MTMR1: variants seen among roughly 807,000 people sequenced by gnomAD.
The protein encoded by MTMR1 is myotubularin related protein 1.
Under a neutral mutation model 51.6 loss-of-function variants are expected in MTMR1, and 17 were observed. The ratio of observed to expected loss-of-function variants is 0.33; its 90% CI spans 0.23 to 0.49. MTMR1 has a LOEUF of 0.49. Ranked by LOEUF, MTMR1 falls within the 20% of genes least tolerant of loss-of-function variation. The pLI is 0.99. For missense variants in MTMR1, 386 were observed against 526.9 expected (o/e 0.73, Z 2.62); for synonymous variants, 201 against 205.6 (o/e 0.98, Z 0.19).
intron 12 of MTMR1, among the ~76,000 whole-genome samples, chrX:150,743,535 T>C (rs1173932793): frequency 8.9e-6 from 1 of 112,927 alleles, no homozygotes; most frequent in Non-Finnish European, 1.9e-5. Context: ...TTGTCATTTA[T>C]TTGTTTTCAT....
rs781973950 is a variant in MTMR1 at position 150,696,053 on chromosome X, G to A, written c.146+2377G>A. Among the ~76,000 whole-genome samples, 4 of 111,564 alleles carry A rather than the reference G, an allele frequency of 3.6e-5. No homozygotes were observed. In the South Asian group the frequency reaches 1.1e-3, roughly 32 times the overall value. ...AGCAGAGTAGGTTGCGGGGCTGAGC[G>A]GCTGATGCTGGTTTAGACAGGTTGA... On this transcript the variant is annotated intron_variant, in intron 1 of 15. Transcript: ENST00000445323.
At chrX:150,733,139 T>C (rs1250581114) in intron 10 of MTMR1, among the ~76,000 whole-genome samples, 5 of 112,179 alleles carry the variant, frequency 4.5e-5, no homozygotes, top group Non-Finnish European at 9.4e-5. Flanking sequence ...ATGTACAAAG[T>C]TTCCATAAAT....
chrX:150,761,554 G>A (rs1427646314), intron 15 of MTMR1, among the ~76,000 whole-genome samples: 1 of 112,918 alleles, frequency 8.9e-6, no homozygotes, highest in Non-Finnish European at 1.9e-5. Context: ...CAGGGCAGGG[G>A]GAAGAAGTCC....
intron 15 of MTMR1, among the ~76,000 whole-genome samples, chrX:150,756,777 A>G (rs1486032633): frequency 2.7e-5 from 3 of 111,823 alleles, no homozygotes; most frequent in African/African-American, 6.5e-5. Context: ...TGGCCTCCCA[A>G]GTAGCTGGGA....
Position 150,755,799 on chromosome X carries a change from T to C in MTMR1, c.1791T>C (p.Ala597=). The change falls in exon 15 of 16, where the codon GCT becomes GCC. Residue 597 remains alanine (A), a synonymous_variant. Coordinates refer to ENST00000445323, the MANE Select transcript of MTMR1 (RefSeq NM_001306144.3). ...NYENHVLYPV[A]SLSHLELWVN... The stretch of plus-strand genomic sequence containing the variant: ...AAAACCACGTGTTATATCCTGTTGC[T>C]AGTCTGAGTCATTTGGAATTGTGGG... 2 of 1,207,117 alleles carry C rather than the reference T, an allele frequency of 1.7e-6. No individual in the cohort carries two copies. The highest frequency in any genetic ancestry group is 2.2e-6 in the Non-Finnish European group (2 of 892,905).
intron 4 of MTMR1, 89 bp downstream of exon 4, chrX:150,718,789 A>G (rs2041647738): frequency 2.2e-6 from 2 of 926,400 alleles, no homozygotes; most frequent in Non-Finnish European, 3.0e-6. Context: ...TGTGCTGGAG[A>G]TCCGCCAGAC....
At chrX:150,734,945 A>T (rs934200602) in intron 10 of MTMR1, among the ~76,000 whole-genome samples, 2 of 112,425 alleles carry the variant, frequency 1.8e-5, no homozygotes, top group African/African-American at 6.5e-5. Context: ...TTGCAGATGT[A>T]TTAATTATGA....
intron 1 of MTMR1, among the ~76,000 whole-genome samples, chrX:150,698,798 C>T (rs782500741): frequency 5.6e-5 from 6 of 108,055 alleles, no homozygotes; most frequent in African/African-American, 1.0e-4. Flanking sequence ...ATCACTTGAA[C>T]CTGGGAGGTT....
chrX:150,730,476 G>A (rs1557416948), intron 7 of MTMR1, 49 bp from the exon 8 acceptor site: 2 of 847,626 alleles, frequency 2.4e-6, no homozygotes, highest in Non-Finnish European at 3.4e-6. Flanking sequence ...TTGGGTATAT[G>A]ATATAAAAAG....
Position 150,732,297 on chromosome X carries a change from A to G in MTMR1, c.892-245A>G, listed in dbSNP as rs781859877. Among the ~76,000 whole-genome samples the G allele has an allele frequency of 2.7e-5, 3 of 111,909 alleles. No homozygotes were observed. The South Asian group carries it at 1.1e-3, about 42-fold the overall frequency. ...GTTTGATTTAGGATTTGTTTTTCTT[A>G]GAATCATAGAATATTGGGGATGGAA... On this transcript the variant is annotated intron_variant, in intron 9 of 15. Transcript: ENST00000445323.
In MTMR1 at chrX:150,758,371, C is replaced by T. The variant is rs781887131; in HGVS notation, c.1857+2506C>T. ...CCTTCCTCCAGAGAGGCCTTTTGCT[C>T]CTGCCTAACAGCCCAGACATCACCT... On this transcript the variant is annotated intron_variant, in intron 15 of 15. Transcript: ENST00000445323. Among the ~76,000 whole-genome samples, 40 of 112,172 alleles carry T rather than the reference C, an allele frequency of 3.6e-4. No homozygotes were observed. The Admixed American group carries it at 3.7e-3, about 10-fold the overall frequency.
rs1295737435 is a variant in MTMR1, at chrX:150,762,502, CA to C, written c.1858-62del. 4.0e-5 allele frequency: 48 copies of C among 1,185,917 alleles called. No homozygotes were observed. The African/African-American group carries it at 5.3e-4, about 13-fold the overall frequency. On this transcript the variant is annotated intron_variant, in intron 15 of 15. Coordinates refer to ENST00000445323, the MANE Select transcript of MTMR1 (RefSeq NM_001306144.3). ...AAGCTCCTGAAGCCAACAGCATCTC[CA>C]TGTGGAAACGCTGTGGTAGGAGGAT... is the stretch of plus-strand genomic sequence containing the variant.
At chrX:150,757,109 G>T (rs183196591) in intron 15 of MTMR1, among the ~76,000 whole-genome samples, 16 of 112,159 alleles carry the variant, frequency 1.4e-4, no homozygotes, top group African/African-American at 5.2e-4. Context: ...CTCACCTAGG[G>T]TCTTCATGAT....
At position 150,718,605 on chromosome X, in the gene MTMR1, T is replaced by TGCCAGGCTC; in HGVS notation, c.277-20_277-19insGCCAGGCTC. The TGCCAGGCTC allele has an allele frequency of 3.0e-6, 3 of 991,083 alleles. No homozygotes were observed. The highest frequency in any genetic ancestry group is 3.8e-6 in the Non-Finnish European group (3 of 787,570). 81.7% of individuals were successfully genotyped at this position (991,083 alleles called of 1,213,427 possible). On this transcript the variant is annotated intron_variant, in intron 3 of 15. Transcript: ENST00000445323. Reference sequence around the variant, plus strand: ...TGTCCTTTTTTTTTTTTTTTTTTTTTTTTTTTTTTTTTTTGCCAGGCTCTA... The same window carrying TGCCAGGCTC: ...TGTCCTTTTTTTTTTTTTTTTTTTTTGCCAGGCTCTTTTTTTTTTTTTTGCCAGGCTCTA...
chrX:150,759,970 C>T (rs1421871083), intron 15 of MTMR1, among the ~76,000 whole-genome samples: 4 of 109,534 alleles, frequency 3.7e-5, no homozygotes, highest in Non-Finnish European at 5.8e-5. Context: ...AGTGACTCAC[C>T]GCCTGATCTG....
chrX:150,701,427 A>G (rs782377268), intron 2 of MTMR1, among the ~76,000 whole-genome samples: 7 of 112,297 alleles, frequency 6.2e-5, no homozygotes, highest in Non-Finnish European at 1.3e-4. Context: ...TCTGTTGTGT[A>G]AATGTCTTAT....
intron 2 of MTMR1, among the ~76,000 whole-genome samples, chrX:150,705,383 A>G (rs935967901): frequency 8.9e-6 from 1 of 112,286 alleles, no homozygotes; most frequent in African/African-American, 3.2e-5. Context: ...GTGAATCCCA[A>G]ATGAGAGAAA....
At chrX:150,737,950 C>T (rs1322133408) in intron 12 of MTMR1, among the ~76,000 whole-genome samples, 1 of 111,093 alleles carries the variant, frequency 9.0e-6, no homozygotes, top group Non-Finnish European at 1.9e-5. Flanking sequence ...GCCTGTAGTC[C>T]CAGCTACTGA....
Position 150,718,846 on chromosome X carries a change from G to A in MTMR1, c.352+146G>A, listed in dbSNP as rs781945477. On this transcript the variant is annotated intron_variant, in intron 4 of 15. Coordinates refer to ENST00000445323, the MANE Select transcript of MTMR1 (RefSeq NM_001306144.3). ...GGACTAGATCTATTCATCCTCATTA[G>A]TGTCATCATGACCTAAGAGATAGAA... 5.0e-4 allele frequency: 254 copies of A among 511,235 alleles called. No individual in the cohort carries two copies. The Middle Eastern group carries it at 0.014, about 28-fold the overall frequency. 42.1% of individuals were successfully genotyped at this position (511,235 alleles called of 1,213,427 possible).
Sources: gnomAD v4.1 joint callset for allele counts (sites outside exome capture counted in the v4.1 genomes callset) on GRCh38, gnomAD v4.1.1 for gene constraint, MANE v1.5 for transcripts, NCBI Gene and HGNC (gene_info 2026-07-23, HGNC 2026-07-21) for gene names.